PDE4B: variants seen among roughly 807,000 people sequenced by gnomAD.
PDE4B encodes the protein phosphodiesterase 4B.
Under a neutral mutation model 82.2 loss-of-function variants are expected in PDE4B, and 20 were observed. The ratio of observed to expected loss-of-function variants is 0.24; its 90% CI spans 0.17 to 0.35. The LOEUF (loss-of-function observed/expected upper bound fraction) is 0.35, where lower values mean the gene tolerates loss of function less well. Among genes scored for constraint, PDE4B ranks in the 10% least tolerant of loss-of-function variants. The pLI is 1.00. For missense variants in PDE4B, 655 were observed against 907.2 expected (o/e 0.72, Z 3.57); for synonymous variants, 320 against 318.9 (o/e 1.00, Z -0.04).
chr1:66,372,432 G>A lies in PDE4B; in HGVS notation c.1965G>A (p.Met655Ile), dbSNP rs773744693. Residue 655 changes from methionine to isoleucine, a missense_variant, in exon 17 of 17, where the codon ATG becomes ATA. This residue lies in a region of PDE4B where 119 missense variants were observed against 115.2 expected (regional missense o/e 1.03). Coordinates refer to ENST00000341517, the MANE Select transcript of PDE4B (RefSeq NM_002600.4). ...LEDNRNWYQSMIPQSPSPPLD... is the reference protein window; with the variant it reads ...LEDNRNWYQSIIPQSPSPPLD... ...ATAACAGGAACTGGTATCAGAGCAT[G>A]ATACCTCAAAGTCCCTCACCACCAC... The A allele has an allele frequency of 6.2e-7, 1 of 1,614,132 alleles. No individual in the cohort carries two copies. The highest frequency in any genetic ancestry group is 8.5e-7 in the Non-Finnish European group (1 of 1,179,994).
intron 12 of PDE4B, among the ~76,000 whole-genome samples, chr1:66,364,375 A>C (rs1182521485): frequency 6.6e-6 from 1 of 152,206 alleles, no homozygotes; most frequent in African/African-American, 2.4e-5. Context: ...CAACTCTGAG[A>C]AGGTGGCCGT....
chr1:66,283,545 A>G (rs1656443930), intron 7 of PDE4B, among the ~76,000 whole-genome samples: 1 of 120,312 alleles, frequency 8.3e-6, no homozygotes, highest in Admixed American at 7.9e-5. Flanking sequence ...TCCTTGGTAG[A>G]ATCCAGAATT....
chr1:66,092,201 A>G (rs1040545213), intron 3 of PDE4B, among the ~76,000 whole-genome samples: 5 of 152,036 alleles, frequency 3.3e-5, no homozygotes, highest in Non-Finnish European at 7.4e-5. Flanking sequence ...GAAATTTTTG[A>G]GTTAGAGTAC....
intron 9 of PDE4B, among the ~76,000 whole-genome samples, chr1:66,358,685 A>AG: frequency 6.6e-6 from 1 of 152,088 alleles, no homozygotes; most frequent in South Asian, 2.1e-4. Flanking sequence ...AAAAAAAAAA[A>AG]AAAAAAAGTA....
chr1:65,940,838 G>A (rs1648406329), intron 3 of PDE4B, among the ~76,000 whole-genome samples: 1 of 152,034 alleles, frequency 6.6e-6, no homozygotes, highest in South Asian at 2.1e-4. Context: ...AGACGAGAGA[G>A]TGAAATTTCA....
intron 3 of PDE4B, among the ~76,000 whole-genome samples, chr1:66,097,653 C>G (rs943939388): frequency 6.6e-6 from 1 of 151,536 alleles, no homozygotes; most frequent in Admixed American, 6.6e-5. Context: ...CTTTTTTCTT[C>G]CATTATTTTA....
At chr1:66,034,352 C>G (rs935964824) in intron 3 of PDE4B, among the ~76,000 whole-genome samples, 2 of 152,100 alleles carry the variant, frequency 1.3e-5, no homozygotes, top group Non-Finnish European at 2.9e-5. Flanking sequence ...CTATGTAAGC[C>G]ACTTCTTCTT....
intron 8 of PDE4B, chr1:66,354,688 A>T (rs1662096817): frequency 2.8e-6 from 4 of 1,421,394 alleles, no homozygotes; most frequent in South Asian, 1.6e-5. Flanking sequence ...TGTTTGGCTT[A>T]GGAAATGCCA....
At chr1:66,049,119 G>A (rs1173983697) in intron 3 of PDE4B, among the ~76,000 whole-genome samples, 1 of 151,960 alleles carries the variant, frequency 6.6e-6, no homozygotes, top group Non-Finnish European at 1.5e-5. Flanking sequence ...TATCGTAAGT[G>A]TAGAATAAGG....
At chr1:66,226,176 C>T (rs540974895) in intron 3 of PDE4B, among the ~76,000 whole-genome samples, 2 of 152,016 alleles carry the variant, frequency 1.3e-5, no homozygotes, top group Admixed American at 6.5e-5. Flanking sequence ...TCACCAAGAC[C>T]CCAACAATCA....
chr1:66,354,673 G>A (rs1304309872), intron 8 of PDE4B: 10 of 1,406,298 alleles, frequency 7.1e-6, no homozygotes, highest in Non-Finnish European at 8.3e-6. Flanking sequence ...TGCGAAGATG[G>A]GCTTTGTTTG....
At chr1:66,087,615 T>G (rs1657073709) in intron 3 of PDE4B, among the ~76,000 whole-genome samples, 1 of 151,992 alleles carries the variant, frequency 6.6e-6, no homozygotes, top group Admixed American at 6.6e-5. Flanking sequence ...TTCTAGGGTT[T>G]TTATGGTGTC....
chr1:65,854,330 A>G (rs1331888150), intron 1 of PDE4B, among the ~76,000 whole-genome samples: 2 of 151,952 alleles, frequency 1.3e-5, no homozygotes, highest in African/African-American at 4.8e-5. Context: ...TATGTTTACA[A>G]ATTTTCAAGC....
At chr1:65,810,395 T>C (rs901183826) in intron 1 of PDE4B, among the ~76,000 whole-genome samples, 1 of 152,232 alleles carries the variant, frequency 6.6e-6, no homozygotes, top group Admixed American at 6.5e-5. Context: ...AGCATTATTA[T>C]ACTAATTTTG....
intron 3 of PDE4B, among the ~76,000 whole-genome samples, chr1:66,236,493 T>G (rs988230326): frequency 2.0e-5 from 3 of 152,166 alleles, no homozygotes; most frequent in African/African-American, 7.2e-5. Flanking sequence ...TTCCTTCTGC[T>G]TGAAGGATTT....
rs776921921 is a variant in PDE4B, at chr1:66,372,563, A to T, written c.2096A>T (p.His699Leu). 6.8e-6 allele frequency: 11 copies of T among 1,614,206 alleles called. No individual in the cohort carries two copies. In the South Asian group the frequency reaches 8.8e-5, roughly 13 times the overall value. The change falls in exon 17 of 17, where the codon CAC becomes CTC. Residue 699 changes from histidine to leucine, a missense_variant. Transcript: ENST00000341517. ...GGACCTGAGAAGGAGGGAGAGGGAC[A>T]CAGCTATTTCAGCAGCACAAAGACG... The part of the protein sequence containing the change: ...SEGPEKEGEG[H>L]SYFSSTKTLC...
chr1:65,827,251 A>AT (rs921839838), intron 1 of PDE4B, among the ~76,000 whole-genome samples: 7 of 151,468 alleles, frequency 4.6e-5, no homozygotes, highest in African/African-American at 7.3e-5. Flanking sequence ...TCAACAAAAA[A>AT]TTACAAGGAA....
chr1:66,228,420 C>A (rs575910270), intron 3 of PDE4B, among the ~76,000 whole-genome samples: 1 of 152,036 alleles, frequency 6.6e-6, no homozygotes, highest in African/African-American at 2.4e-5. Context: ...GTCAGGAGAT[C>A]AAGACCATCC....
At chr1:66,059,780 T>A (rs1655488242) in intron 3 of PDE4B, among the ~76,000 whole-genome samples, 1 of 152,142 alleles carries the variant, frequency 6.6e-6, no homozygotes, top group African/African-American at 2.4e-5. Context: ...CAGAGCAAAA[T>A]CATATCACAT....
Sources: allele counts gnomAD v4.1 joint callset (sites outside exome capture counted in the v4.1 genomes callset), GRCh38; gene constraint gnomAD v4.1.1; regional missense constraint gnomAD v4.1.1; transcripts MANE v1.5; gene names NCBI Gene and HGNC (gene_info 2026-07-23, HGNC 2026-07-21).